MAP1S: variants seen among roughly 807,000 people sequenced by gnomAD.
The protein encoded by MAP1S is microtubule associated protein 1S.
Under a neutral mutation model 60.9 loss-of-function variants are expected in MAP1S, and 27 were observed. The ratio of observed to expected loss-of-function variants is 0.44; its 90% CI spans 0.33 to 0.61. The LOEUF (loss-of-function observed/expected upper bound fraction) is 0.61, where lower values mean the gene tolerates loss of function less well. Among genes scored for constraint, MAP1S ranks in the 20% least tolerant of loss-of-function variants. The pLI is 0.03. For missense variants in MAP1S, 1,608 were observed against 1,486.6 expected (o/e 1.08, Z -1.34); for synonymous variants, 826 against 694.2 (o/e 1.19, Z -2.98).
chr19:17,724,926 G>A, intron 3 of MAP1S, 123 bp from the exon 4 acceptor site: 1 of 1,231,780 alleles, frequency 8.1e-7, no homozygotes, highest in Non-Finnish European at 1.2e-6. Flanking sequence ...TTGAGCACTG[G>A]GCTGGTCGTG....
At chr19:17,733,457 T>TA in intron 6 of MAP1S, 29 bp downstream of exon 6, 1 of 1,534,060 alleles carries the variant, frequency 6.5e-7, no homozygotes, top group Non-Finnish European at 8.8e-7. Context: ...CCTCTGGTGG[T>TA]AAGTGTAGTT....
Position 17,727,077 on chromosome 19 carries a change from G to A in MAP1S, c.1693G>A (p.Ala565Thr), listed in dbSNP as rs1200278504. The A allele has an allele frequency of 6.2e-7, 1 of 1,606,446 alleles. No individual in the cohort carries two copies. Among genetic ancestry groups the A allele is most frequent in the South Asian group, 1.1e-5 (1 of 90,240 alleles). Residue 565 changes from alanine (A) to threonine (T), a missense_variant, in exon 5 of 7, where the codon GCG (alanine) becomes ACG (threonine). By Grantham distance (58) the Ala-to-Thr change is moderately conservative. Transcript: ENST00000324096. The surrounding 1 kb of genome is among the most constrained non-coding windows in gnomAD (Gnocchi z 4.1). The part of the protein sequence containing the change: ...NAQAAPKPRK[A>T]PSTSHSGFPP... ...CCAGGCGGCACCCAAGCCCCGCAAAGCGCCCAGCACGTCCCACTCTGGCTT... is the reference window on the plus strand; with the variant it reads ...CCAGGCGGCACCCAAGCCCCGCAAAACGCCCAGCACGTCCCACTCTGGCTT...
Position 17,725,245 on chromosome 19 carries a change from G to T in MAP1S, c.444+56G>T. On this transcript the variant is annotated intron_variant, in intron 4 of 6. Transcript: ENST00000324096. This position sits in a 1 kb window ranked among gnomAD's most constrained non-coding sequence, Gnocchi z 4.2. ...CCCAGCTCTGAATCCTGACTGGGGT[G>T]TATCAGGCTGTGTGGCACCAGCGAC... 6.4e-7 allele frequency: 1 copy of T among 1,553,832 alleles called. No homozygotes were observed. The highest frequency in any genetic ancestry group is 1.9e-5 in the Admixed American group (1 of 53,162).
Position 17,720,512 on chromosome 19 carries a change from G to A in MAP1S, c.119-424G>A, listed in dbSNP as rs1190072844. 4 of 1,505,850 alleles carry A rather than the reference G, an allele frequency of 2.7e-6. No homozygotes were observed. In the African/African-American group the frequency reaches 5.5e-5, roughly 21 times the overall value. The allele number at this position is 1,505,850 out of a possible 1,614,324, so 93.3% of individuals were successfully genotyped here. ...ACATGGTGTCAGGAAGGATGAGAAG[G>A]CTGCAAGGGACTGAGAGGACAGTCA... On this transcript the variant is annotated intron_variant, in intron 1 of 6. Transcript: ENST00000324096.
chr19:17,727,084 G>A lies in MAP1S; in HGVS notation c.1700G>A (p.Ser567Asn). 2 of 1,605,040 alleles carry A rather than the reference G, an allele frequency of 1.2e-6. No homozygotes were observed. Among genetic ancestry groups the A allele is most frequent in the Non-Finnish European group, 1.7e-6 (2 of 1,177,280 alleles). The change falls in exon 5 of 7, where the codon AGC becomes AAC. Residue 567 changes from serine to asparagine, a missense_variant. Ser to Asn is a conservative substitution (Grantham distance 46, BLOSUM62 1). Coordinates refer to ENST00000324096, the MANE Select transcript of MAP1S (RefSeq NM_018174.6). The surrounding 1 kb of genome is among the most constrained non-coding windows in gnomAD (Gnocchi z 4.1). ...QAAPKPRKAP[S>N]TSHSGFPPVA... Reference sequence around the variant, plus strand: ...GCACCCAAGCCCCGCAAAGCGCCCAGCACGTCCCACTCTGGCTTCCCGCCG... The same window carrying A: ...GCACCCAAGCCCCGCAAAGCGCCCAACACGTCCCACTCTGGCTTCCCGCCG...
intron 5 of MAP1S, chr19:17,728,638 C>A (rs1055391269): frequency 6.5e-6 from 1 of 153,596 alleles, no homozygotes; most frequent in Non-Finnish European, 1.4e-5. Flanking sequence ...TGACTGCAAC[C>A]TCTGACTCCC....
Position 17,725,882 on chromosome 19 carries a change from C to T in MAP1S, c.498C>T (p.Thr166=), listed in dbSNP as rs765841256. 2.5e-6 allele frequency: 4 copies of T among 1,613,684 alleles called. No individual in the cohort carries two copies. The highest frequency in any genetic ancestry group is 2.2e-5 in the South Asian group (2 of 91,068). ...TPPPVQPPIL[T]ITCPTFGDWA... ...CACCTGTGCAGCCGCCCATACTCAC[C>T]ATCACCTGCCCCACCTTCGGTGACT... Residue 166 remains threonine, a synonymous_variant, in exon 5 of 7, where the codon ACC becomes ACT. Coordinates refer to ENST00000324096, the MANE Select transcript of MAP1S (RefSeq NM_018174.6). The surrounding 1 kb of genome is among the most constrained non-coding windows in gnomAD (Gnocchi z 4.2).
In MAP1S at chr19:17,726,248, G is replaced by A. The variant is rs1178834006; in HGVS notation, c.864G>A (p.Val288=). Residue 288 remains valine, a synonymous_variant, in exon 5 of 7, where the codon GTG becomes GTA. Transcript: ENST00000324096. ...GGCACCTGGACCGCGTGGATGCCGT[G>A]CTGGTGACCCACCCTGGCGCCGACA... ...LVRHLDRVDA[V]LVTHPGADSL... is the part of the protein sequence containing the mutation. The A allele has an allele frequency of 6.2e-7, 1 of 1,607,920 alleles. No individual in the cohort carries two copies. The highest frequency in any genetic ancestry group is 8.5e-7 in the Non-Finnish European group (1 of 1,177,648).
chr19:17,722,766 A>AGATG (rs1555704588), intron 2 of MAP1S, among the ~76,000 whole-genome samples: 1 of 111,888 alleles, frequency 8.9e-6, no homozygotes, highest in Non-Finnish European at 1.8e-5. Context: ...AGAGAGAGAG[A>AGATG]GAGGGAGGGA....
chr19:17,726,160 A>G lies in MAP1S; in HGVS notation c.776A>G (p.Asn259Ser), dbSNP rs116083435. ...GGGGATGCCGCCTTCTTCGCCGTCA[A>G]TGGCTTCACTGTGCTGGTCAACGGT... is the stretch of plus-strand genomic sequence containing the variant. ...GLGDAAFFAV[N>S]GFTVLVNGGS... The change falls in exon 5 of 7, where the codon AAT (asparagine) becomes AGT (serine). Residue 259 changes from asparagine to serine, a missense_variant. Physicochemically the swap from Asn to Ser is conservative, Grantham distance 46. Around this residue, in one of 4 missense-constraint regions of MAP1S, gnomAD observed 320 missense variants for 393.1 expected, o/e 0.81. Transcript: ENST00000324096. The G allele has an allele frequency of 2.4e-3, 3,876 of 1,613,606 alleles. 7 individuals are homozygous for G. The highest frequency in any genetic ancestry group is 3.4e-3 in the East Asian group (153 of 44,834).
chr19:17,725,263 C>G lies in MAP1S; in HGVS notation c.444+74C>G, dbSNP rs1330830858. 2 of 1,510,120 alleles carry G rather than the reference C, an allele frequency of 1.3e-6. No individual in the cohort carries two copies. Among genetic ancestry groups the G allele is most frequent in the Admixed American group, 4.1e-5 (2 of 48,636 alleles). 93.5% of individuals were successfully genotyped at this position (1,510,120 alleles called of 1,614,324 possible). On this transcript the variant is annotated intron_variant, in intron 4 of 6. Transcript: ENST00000324096. The surrounding 1 kb of genome is among the most constrained non-coding windows in gnomAD (Gnocchi z 4.2). ...CTGGGGTGTATCAGGCTGTGTGGCA[C>G]CAGCGACCTGCTGTTTTCCATGGCC...
At chr19:17,721,442 C>T (rs987210489) in intron 2 of MAP1S, 4 of 290,378 alleles carry the variant, frequency 1.4e-5, no homozygotes, top group African/African-American at 4.5e-5. Context: ...TTTGGGAGGC[C>T]GCAGCGGGCG....
chr19:17,721,113 G>T (rs1352624589), intron 2 of MAP1S, 76 bp downstream of exon 2: 9 of 1,137,758 alleles, frequency 7.9e-6, no homozygotes, highest in Non-Finnish European at 1.2e-5. Flanking sequence ...CAGGCATGGG[G>T]GGTGGGATGC....
At chr19:17,729,923 A>G (rs1262867839) in intron 5 of MAP1S, among the ~76,000 whole-genome samples, 1 of 152,120 alleles carries the variant, frequency 6.6e-6, no homozygotes, top group Non-Finnish European at 1.5e-5. Context: ...GGCCTCCCAA[A>G]GTACTGGGAT....
At position 17,733,447 on chromosome 19, in the gene MAP1S, C is replaced by T. The variant is rs1475976477; in HGVS notation, c.3024+19C>T. ...CCTGCAGGTGCGTGTCACCCCAGGGCCTCTGGTGGTAAGTGTAGTTAGCAC... is the reference window on the plus strand; with the variant it reads ...CCTGCAGGTGCGTGTCACCCCAGGGTCTCTGGTGGTAAGTGTAGTTAGCAC... On this transcript the variant is annotated intron_variant, in intron 6 of 6. Transcript: ENST00000324096. The T allele has an allele frequency of 6.4e-7, 1 of 1,560,428 alleles. No homozygotes were observed. The highest frequency in any genetic ancestry group is 1.9e-5 in the Admixed American group (1 of 53,928).
Position 17,726,784 on chromosome 19 carries a change from C to T in MAP1S, c.1400C>T (p.Pro467Leu), listed in dbSNP as rs201564716. 1.8e-5 allele frequency: 28 copies of T among 1,526,740 alleles called. No homozygotes were observed. The East Asian group carries it at 3.9e-4, about 21-fold the overall frequency. 94.6% of individuals were successfully genotyped at this position (1,526,740 alleles called of 1,614,324 possible). A position where few individuals can be genotyped will look rare whatever the true frequency, so the allele number is the denominator to read the frequency against. The change falls in exon 5 of 7, where the codon CCG becomes CTG. Residue 467 changes from proline (P) to leucine (L), a missense_variant. Pro to Leu is a moderately conservative substitution (Grantham distance 98, BLOSUM62 -3). This residue lies in a region of MAP1S where 1,167 missense variants were observed against 961.4 expected (regional missense o/e 1.21). Transcript: ENST00000324096. ...PVVTPQDLEGPGRAESKESVG... is the reference protein window; with the variant it reads ...PVVTPQDLEGLGRAESKESVG... ...GTGACGCCCCAGGACCTGGAGGGGC[C>T]GGGGCGAGCCGAGAGCAAAGAGAGC...
intron 1 of MAP1S, chr19:17,720,563 G>A: frequency 7.0e-7 from 1 of 1,426,916 alleles, no homozygotes; most frequent in Non-Finnish European, 9.2e-7. Context: ...GGTGCTGAGG[G>A]GGAAGGGCCC....
At chr19:17,720,362 C>T (rs1263864948) in intron 1 of MAP1S, 3 of 1,530,526 alleles carry the variant, frequency 2.0e-6, no homozygotes, top group East Asian at 4.9e-5. Flanking sequence ...CTGCTATGCG[C>T]CAGGCCTTTG....
At chr19:17,728,720 T>G (rs1032039585) in intron 5 of MAP1S, 1 of 152,252 alleles carries the variant, frequency 6.6e-6, no homozygotes, top group Non-Finnish European at 1.5e-5. Flanking sequence ...CACGCCTGGC[T>G]AATTTTTGTA....
Sources: allele counts gnomAD v4.1 joint callset (sites outside exome capture counted in the v4.1 genomes callset), GRCh38; gene constraint gnomAD v4.1.1; regional missense constraint gnomAD v4.1.1; non-coding constraint Gnocchi (gnomAD v3.1); transcripts MANE v1.5; gene names NCBI Gene and HGNC (gene_info 2026-07-23, HGNC 2026-07-21).